The following FRMD4A variants were observed in gnomAD, a reference collection of about 807,000 sequenced individuals.
The protein encoded by FRMD4A is FERM domain containing 4A.
In FRMD4A, 29 loss-of-function variants were observed where a neutral mutation model predicts 129.1. That is an observed-to-expected ratio of 0.22 (90% CI 0.17 to 0.31). The LOEUF (loss-of-function observed/expected upper bound fraction) is 0.31. Ranked by LOEUF, FRMD4A falls within the 10% of genes least tolerant of loss-of-function variation. FRMD4A has a pLI of 1.00. For synonymous variants in FRMD4A, 634 were observed against 571.6 expected, an observed-to-expected ratio of 1.11 and a Z score of -1.56; for missense variants, 1,272 against 1,375.8, an observed-to-expected ratio of 0.92 and a Z score of 1.19.
At chr10:14,012,189 G>A (rs1055449587) in intron 2 of FRMD4A, among the ~76,000 whole-genome samples, 3 of 151,386 alleles carry the variant, frequency 2.0e-5, no homozygotes, top group Non-Finnish European at 4.4e-5. Flanking sequence ...TCAGGGATGG[G>A]GGGCAGTCAA....
At chr10:13,849,565 C>T (rs139138904) in intron 3 of FRMD4A, among the ~76,000 whole-genome samples, 9 of 151,484 alleles carry the variant, frequency 5.9e-5, no homozygotes, top group Non-Finnish European at 1.2e-4. Context: ...ACTGCAACCT[C>T]CATCTCCCAC....
At chr10:13,861,706 T>C (rs933361632) in intron 2 of FRMD4A, among the ~76,000 whole-genome samples, 1 of 152,224 alleles carries the variant, frequency 6.6e-6, no homozygotes, top group Non-Finnish European at 1.5e-5. Flanking sequence ...CTTCAGGTGT[T>C]AATTGTCTTA....
At chr10:13,678,472 GC>G (rs1211421643) in intron 15 of FRMD4A, among the ~76,000 whole-genome samples, 12 of 152,250 alleles carry the variant, frequency 7.9e-5, no homozygotes, top group Non-Finnish European at 1.6e-4. Context: ...TGGATGTGTG[GC>G]CTTGGGTAAG....
chr10:14,057,882 G>A (rs779606942), intron 2 of FRMD4A, among the ~76,000 whole-genome samples: 3 of 152,244 alleles, frequency 2.0e-5, no homozygotes, highest in Middle Eastern at 3.4e-3. Flanking sequence ...CAATCTTAAC[G>A]CTCACTGGTT....
Position 13,643,712 on chromosome 10 carries a change from C to T in FRMD4A, c.*3326G>A, listed in dbSNP as rs2080947019. 2 of 152,638 alleles carry T rather than the reference C, an allele frequency of 1.3e-5. No individual in the cohort carries two copies. The highest frequency in any genetic ancestry group is 1.3e-4 in the Admixed American group (2 of 15,278). The allele number at this position is 152,638 out of a possible 1,614,324, so 9.5% of individuals were successfully genotyped here. ...CTCCAGGAGGCAGCTGGGATCTTTTCATTTTGAAAATGCTTTAATAAGTGT... is the reference window on the plus strand; with the variant it reads ...CTCCAGGAGGCAGCTGGGATCTTTTTATTTTGAAAATGCTTTAATAAGTGT... On this transcript the variant is annotated 3_prime_UTR_variant, in exon 25 of 25. Transcript: ENST00000357447.
chr10:13,910,030 GA>G (rs1321258633), intron 2 of FRMD4A, among the ~76,000 whole-genome samples: 1 of 152,202 alleles, frequency 6.6e-6, no homozygotes, highest in East Asian at 1.9e-4. Context: ...AATATGTTGT[GA>G]AACATTGTAA....
At chr10:14,029,883 A>T (rs1301232162) in intron 2 of FRMD4A, among the ~76,000 whole-genome samples, 1 of 149,086 alleles carries the variant, frequency 6.7e-6, no homozygotes, top group African/African-American at 2.6e-5. Context: ...TATAAAATAA[A>T]GGTCCAGTTT....
chr10:13,700,820 C>CTTTTTTGTTTTTTT (rs2086744780), intron 14 of FRMD4A, among the ~76,000 whole-genome samples: 1 of 44,712 alleles, frequency 2.2e-5, no homozygotes, highest in African/African-American at 8.6e-5. Flanking sequence ...AGGGTAGTTG[C>CTTTTTTGTTTTTTT]TTTTTTTTTT....
chr10:14,303,725 GTA>G (rs1303194353), intron 2 of FRMD4A, among the ~76,000 whole-genome samples: 1 of 152,128 alleles, frequency 6.6e-6, no homozygotes, highest in East Asian at 1.9e-4. Context: ...GGGGAGTCTG[GTA>G]TATGGCAGCA....
At chr10:13,973,045 C>G (rs777425700) in intron 2 of FRMD4A, among the ~76,000 whole-genome samples, 4 of 152,208 alleles carry the variant, frequency 2.6e-5, no homozygotes, top group Non-Finnish European at 5.9e-5. Context: ...CTGTCATTTT[C>G]TGTGTGGCCT....
intron 2 of FRMD4A, among the ~76,000 whole-genome samples, chr10:14,111,715 G>T (rs1227150701): frequency 6.6e-6 from 1 of 151,992 alleles, no homozygotes; most frequent in African/African-American, 2.4e-5. Context: ...CATGATCCTG[G>T]CAGGGAGAAA....
At position 13,810,852 on chromosome 10, in the gene FRMD4A, C is replaced by T. The variant is rs375183781; in HGVS notation, c.168G>A (p.Lys56=). The T allele has an allele frequency of 6.2e-7, 1 of 1,604,174 alleles. No individual in the cohort carries two copies. The highest frequency in any genetic ancestry group is 2.2e-5 in the East Asian group (1 of 44,768). ...ATGCTATTCCAAAGTACTCCTTTTCCTTCAGATTGAAGTGAGAAGCCACAA... is the reference window on the plus strand; with the variant it reads ...ATGCTATTCCAAAGTACTCCTTTTCTTTCAGATTGAAGTGAGAAGCCACAA... ...LDLVASHFNL[K]EKEYFGIAFT... The change falls in exon 4 of 25, where the codon AAG becomes AAA. Residue 56 remains lysine, a synonymous_variant. Transcript: ENST00000357447.
chr10:13,889,427 G>A (rs2094668380), intron 2 of FRMD4A, among the ~76,000 whole-genome samples: 1 of 152,162 alleles, frequency 6.6e-6, no homozygotes. Flanking sequence ...AACATCGAGA[G>A]CTGTGCACAT....
chr10:13,960,221 T>C (rs2457846), intron 2 of FRMD4A, among the ~76,000 whole-genome samples: 72,586 of 152,102 alleles, frequency 0.48, 18,199 homozygotes, highest in East Asian at 0.83. Flanking sequence ...AAATTGTTTG[T>C]CAAAAGCCTT....
At chr10:14,142,243 C>G (rs1839875813) in intron 2 of FRMD4A, among the ~76,000 whole-genome samples, 1 of 151,920 alleles carries the variant, frequency 6.6e-6, no homozygotes. Context: ...CGTGGTTATT[C>G]AATACATGTG....
chr10:13,914,940 T>C (rs140952979), intron 2 of FRMD4A, among the ~76,000 whole-genome samples: 1 of 152,054 alleles, frequency 6.6e-6, no homozygotes, highest in Non-Finnish European at 1.5e-5. Flanking sequence ...CGTGAGCCCA[T>C]GAGTTGGAGG....
intron 2 of FRMD4A, among the ~76,000 whole-genome samples, chr10:14,031,621 A>T (rs185375395): frequency 6.6e-6 from 1 of 152,140 alleles, no homozygotes; most frequent in African/African-American, 2.4e-5. Context: ...AAAGATTTCC[A>T]TGCCTTCCGG....
intron 2 of FRMD4A, among the ~76,000 whole-genome samples, chr10:14,113,986 C>T (rs890190964): frequency 4.6e-5 from 7 of 152,202 alleles, no homozygotes; most frequent in African/African-American, 1.4e-4. Flanking sequence ...TACTGTGAGT[C>T]GGCCAGACTC....
Position 14,066,690 on chromosome 10 carries a change from G to C in FRMD4A, c.46-207778C>G, listed in dbSNP as rs376514574. Reference sequence around the variant, plus strand: ...CCAAAGGACTAAGAAGGTCAAAGCAGATTGAAAAGAGATGCAGGATCGACA... The same window carrying C: ...CCAAAGGACTAAGAAGGTCAAAGCACATTGAAAAGAGATGCAGGATCGACA... On this transcript the variant is annotated intron_variant, in intron 2 of 24. Coordinates refer to ENST00000357447, the MANE Select transcript of FRMD4A (RefSeq NM_018027.5). 9.2e-5 allele frequency among the ~76,000 whole-genome samples: 14 copies of C among 152,258 alleles called. No individual in the cohort carries two copies. The South Asian group carries it at 2.7e-3, about 29-fold the overall frequency.
Sources: gnomAD v4.1 joint callset for allele counts (sites outside exome capture counted in the v4.1 genomes callset) on GRCh38, gnomAD v4.1.1 for gene constraint, MANE v1.5 for transcripts, NCBI Gene and HGNC (gene_info 2026-07-23, HGNC 2026-07-21) for gene names.